The following CMSS1 variants were observed in gnomAD, a reference collection of about 807,000 sequenced individuals.
CMSS1 encodes the protein protein CMSS1.
A neutral mutation model predicts 43.5 loss-of-function variants in CMSS1; 33 were observed. The ratio of observed to expected loss-of-function variants is 0.76; its 90% confidence interval spans 0.57 to 1.01. The LOEUF (loss-of-function observed/expected upper bound fraction) is 1.01. Among genes scored for constraint, CMSS1 ranks in the 50% least tolerant of loss-of-function variants. The pLI is 0.00. For missense variants in CMSS1, 313 were observed against 326.4 expected, an observed-to-expected ratio of 0.96 and a Z score of 0.32; for synonymous variants, 115 against 117.2, an observed-to-expected ratio of 0.98 and a Z score of 0.12.
intron 1 of CMSS1, among the ~76,000 whole-genome samples, chr3:99,946,395 G>A (rs1708008907): frequency 6.6e-6 from 1 of 152,244 alleles, no homozygotes; most frequent in Admixed American, 6.5e-5. Flanking sequence ...TAGAAAGGGT[G>A]TGTAAGCAGT....
chr3:99,981,242 C>G (rs1709114300), intron 1 of CMSS1, among the ~76,000 whole-genome samples: 1 of 152,118 alleles, frequency 6.6e-6, no homozygotes, highest in Non-Finnish European at 1.5e-5. Context: ...CTTCCACTAC[C>G]CCAATGCTAA....
At chr3:100,160,285 A>G (rs1229006003) in intron 2 of CMSS1, 145 bp from the exon 3 acceptor site, 4 of 609,494 alleles carry the variant, frequency 6.6e-6, no homozygotes, top group African/African-American at 3.8e-5. Context: ...CCTACGGTAG[A>G]TCTTCCAGCA....
intron 2 of CMSS1, among the ~76,000 whole-genome samples, chr3:100,150,438 G>A (rs1353768440): frequency 6.6e-6 from 1 of 152,114 alleles, no homozygotes; most frequent in Admixed American, 6.6e-5. Flanking sequence ...TGCTTGTACA[G>A]GAACTACTTG....
chr3:99,930,991 G>A, intron 1 of CMSS1: 1 of 1,613,776 alleles, frequency 6.2e-7, no homozygotes, highest in South Asian at 1.1e-5. Flanking sequence ...TTTGGGCTGA[G>A]CCCTCGGTAT....
intron 2 of CMSS1, among the ~76,000 whole-genome samples, chr3:100,148,063 T>C (rs2066869134): frequency 6.6e-6 from 1 of 152,152 alleles, no homozygotes; most frequent in African/African-American, 2.4e-5. Context: ...ACCTAATAAA[T>C]CTATGTGATT....
intron 1 of CMSS1, among the ~76,000 whole-genome samples, chr3:99,860,486 G>A (rs1299404825): frequency 6.6e-6 from 1 of 152,164 alleles, no homozygotes; most frequent in Non-Finnish European, 1.5e-5. Flanking sequence ...GCAGAAAAAG[G>A]AGCAAAGTAA....
intron 1 of CMSS1, among the ~76,000 whole-genome samples, chr3:100,013,741 A>G (rs942372426): frequency 6.6e-6 from 1 of 152,168 alleles, no homozygotes; most frequent in Non-Finnish European, 1.5e-5. Context: ...GTACAATGCA[A>G]TGTTTGATGT....
chr3:99,844,276 G>A (rs1399471005), intron 1 of CMSS1, among the ~76,000 whole-genome samples: 1 of 152,188 alleles, frequency 6.6e-6, no homozygotes, highest in Non-Finnish European at 1.5e-5. Context: ...GTTCTCATTG[G>A]ATAGCTCTGA....
At chr3:99,829,639 T>A (rs866449370) in intron 1 of CMSS1, among the ~76,000 whole-genome samples, 1 of 152,188 alleles carries the variant, frequency 6.6e-6, no homozygotes, top group Non-Finnish European at 1.5e-5. Context: ...TTTTGTTGAA[T>A]CAACTGATTT....
At position 100,037,470 on chromosome 3, in the gene CMSS1, A is replaced by ACG. The variant is rs529722609; in HGVS notation, c.65-109502_65-109501insGC. ...CAAACAGACACACACACACACACGCACATTGTTATCTTCACTTTAAATAAA... is the reference window on the plus strand; with the variant it reads ...CAAACAGACACACACACACACACGCACGCATTGTTATCTTCACTTTAAATAAA... On this transcript the variant is annotated intron_variant, in intron 1 of 9. Coordinates refer to ENST00000421999, the MANE Select transcript of CMSS1 (RefSeq NM_032359.4). 8.7e-4 allele frequency among the ~76,000 whole-genome samples: 133 copies of ACG among 152,100 alleles called. 1 individual carries two copies. In the South Asian group the frequency reaches 0.017, roughly 19 times the overall value.
intron 1 of CMSS1, among the ~76,000 whole-genome samples, chr3:100,095,183 C>T (rs1204953189): frequency 6.6e-6 from 1 of 152,162 alleles, no homozygotes; most frequent in Non-Finnish European, 1.5e-5. Context: ...CCCACTTTCT[C>T]TTCTTTTTCA....
chr3:100,014,874 CT>C lies in CMSS1; in HGVS notation c.65-132087del, dbSNP rs200759774. Among the ~76,000 whole-genome samples the C allele has an allele frequency of 9.3e-3, 262 of 28,186 alleles. 2 individuals are homozygous for C. Among genetic ancestry groups the C allele is most frequent in the African/African-American group, 0.024 (161 of 6,718 alleles). 18.5% of individuals were successfully genotyped at this position (28,186 alleles called of 152,430 possible). ...GCAACACCATTTGTCTTTTTCTTTT[CT>C]TTTTTTTTTTTCTTTCTTTCTTTTT... On this transcript the variant is annotated intron_variant, in intron 1 of 9. Transcript: ENST00000421999.
chr3:100,070,624 T>C (rs1313126636), intron 1 of CMSS1, among the ~76,000 whole-genome samples: 4 of 152,084 alleles, frequency 2.6e-5, no homozygotes, highest in African/African-American at 9.7e-5. Context: ...TGGGGTTTTT[T>C]TGTTGTTGTT....
intron 1 of CMSS1, chr3:100,025,578 A>G (rs141104374): frequency 6.6e-6 from 1 of 152,312 alleles, no homozygotes; most frequent in African/African-American, 2.4e-5. Context: ...CTTTGCTGTT[A>G]TATTGAGCAG....
At chr3:100,101,771 T>A (rs2066310028) in intron 1 of CMSS1, among the ~76,000 whole-genome samples, 1 of 151,812 alleles carries the variant, frequency 6.6e-6, no homozygotes, top group Non-Finnish European at 1.5e-5. Flanking sequence ...CCCTCCCCGC[T>A]CCCCTCACCC....
chr3:100,056,535 T>C (rs907143569), intron 1 of CMSS1, among the ~76,000 whole-genome samples: 1 of 152,190 alleles, frequency 6.6e-6, no homozygotes, highest in African/African-American at 2.4e-5. Context: ...CATTTTAGCC[T>C]CCAGGTCAGA....
At chr3:99,885,297 G>T (rs1159421756) in intron 1 of CMSS1, among the ~76,000 whole-genome samples, 1 of 152,178 alleles carries the variant, frequency 6.6e-6, no homozygotes, top group African/African-American at 2.4e-5. Flanking sequence ...TGGGGACCTG[G>T]TGTTGACTCT....
At chr3:99,859,114 A>T (rs757658931) in intron 1 of CMSS1, among the ~76,000 whole-genome samples, 50 of 152,266 alleles carry the variant, frequency 3.3e-4, no homozygotes, top group Admixed American at 1.2e-3. Context: ...CTCCAATTTG[A>T]AATAAGAGTA....
rs1672422750 is a variant in CMSS1, at chr3:99,850,855, A to G, written c.64+32812A>G. The G allele has an allele frequency of 1.2e-6, 2 of 1,614,126 alleles. No homozygotes were observed. The highest frequency in any genetic ancestry group is 1.7e-6 in the Non-Finnish European group (2 of 1,180,012). ...CTGAACTCTGGCTTCAGCAAGGGCT[A>G]GTTTGGTATGTGTTTCCTTTGCATT... On this transcript the variant is annotated intron_variant, in intron 1 of 9. Coordinates refer to ENST00000421999, the MANE Select transcript of CMSS1 (RefSeq NM_032359.4).
Sources: allele counts gnomAD v4.1 joint callset (sites outside exome capture counted in the v4.1 genomes callset), GRCh38; gene constraint gnomAD v4.1.1; transcripts MANE v1.5; gene names NCBI Gene and HGNC (gene_info 2026-07-23, HGNC 2026-07-21).